The following STK24 variants were observed in gnomAD, a reference collection of about 807,000 sequenced individuals.
STK24 encodes serine/threonine kinase 24.
In STK24, 21 loss-of-function variants were observed where a neutral mutation model predicts 55.6. The observed-to-expected ratio is 0.38, with a 90% CI of 0.27 to 0.54. The LOEUF is 0.54. STK24 is among the 20% of genes least tolerant of loss of function. The probability of loss-of-function intolerance (pLI) is 0.79; values close to 1 mark genes in which losing one functional copy is unlikely to be tolerated. For missense variants in STK24, 383 were observed against 538.4 expected (o/e 0.71, Z 2.86); for synonymous variants, 200 against 215.2 (o/e 0.93, Z 0.62).
At chr13:98,544,323 T>G (rs765143107) in intron 1 of STK24, among the ~76,000 whole-genome samples, 5 of 152,014 alleles carry the variant, frequency 3.3e-5, no homozygotes, top group Non-Finnish European at 4.4e-5. Flanking sequence ...GACACAGAAG[T>G]CCCCAGCAGG....
chr13:98,482,392 G>A (rs1483240800), intron 2 of STK24, 71 bp from the exon 3 acceptor site: 4 of 864,512 alleles, frequency 4.6e-6, no homozygotes, highest in African/African-American at 3.5e-5. Flanking sequence ...ATAATCAAAG[G>A]GTATTTTTCA....
intron 3 of STK24, among the ~76,000 whole-genome samples, chr13:98,480,615 T>G (rs1249775792): frequency 1.3e-5 from 2 of 152,252 alleles, no homozygotes; most frequent in Non-Finnish European, 2.9e-5. Flanking sequence ...TCAATTATTT[T>G]TATGGTTTAT....
rs1893156237 is a variant in STK24, at chr13:98,450,866, T to C, written c.*2307A>G. 1 of 152,250 alleles carries C rather than the reference T, an allele frequency of 6.6e-6. No individual in the cohort carries two copies. Among genetic ancestry groups the C allele is most frequent in the African/African-American group, 2.4e-5 (1 of 41,462 alleles). 9.4% of individuals were successfully genotyped at this position (152,250 alleles called of 1,614,324 possible). On this transcript the variant is annotated 3_prime_UTR_variant, in exon 11 of 11. Transcript: ENST00000539966. The stretch of plus-strand genomic sequence containing the variant: ...CCCTTAAAAACATTGGGGCTGATTT[T>C]GTGCGTCTACAGAAAGTAACAGCCC...
intron 1 of STK24, among the ~76,000 whole-genome samples, chr13:98,554,506 C>T (rs1251378580): frequency 6.6e-6 from 1 of 152,172 alleles, no homozygotes; most frequent in African/African-American, 2.4e-5. Flanking sequence ...CTAGATAAAA[C>T]TCCAAAATCC....
chr13:98,538,651 G>A (rs17471107), intron 1 of STK24, among the ~76,000 whole-genome samples: 26,561 of 152,002 alleles, frequency 0.17, 2,695 homozygotes, highest in Non-Finnish European at 0.23. Flanking sequence ...CTTTCTCCTA[G>A]TCCTCTATTC....
chr13:98,507,502 GA>G (rs1377940540), intron 2 of STK24, among the ~76,000 whole-genome samples: 2 of 152,326 alleles, frequency 1.3e-5, no homozygotes, highest in South Asian at 4.1e-4. Flanking sequence ...CTAGCCTAGA[GA>G]AAGAAAGATA....
At chr13:98,541,431 C>T (rs1594654754) in intron 1 of STK24, among the ~76,000 whole-genome samples, 2 of 152,102 alleles carry the variant, frequency 1.3e-5, no homozygotes, top group African/African-American at 2.4e-5. Context: ...TTCAGATGTT[C>T]AAAGGAAACA....
intron 1 of STK24, among the ~76,000 whole-genome samples, chr13:98,572,562 G>A (rs1226782910): frequency 2.6e-5 from 4 of 152,294 alleles, no homozygotes; most frequent in East Asian, 1.9e-4. Flanking sequence ...TCCCTAGGGT[G>A]GAGCAGAGCA....
rs190856000 is a variant in STK24 at position 98,562,789 on chromosome 13, G to A, written c.42+13956C>T. Among the ~76,000 whole-genome samples the A allele has an allele frequency of 1.7e-3, 262 of 151,712 alleles. 2 individuals carry two copies. The highest frequency in any genetic ancestry group is 0.015 in the East Asian group (76 of 5,160). ...AAATTAGCCGGACGTGGTGGCGGGC[G>A]CCTGCAGTCCCAGCTACTCGGGAGG... On this transcript the variant is annotated intron_variant, in intron 1 of 10. Transcript: ENST00000539966.
At chr13:98,491,799 T>C (rs2139324298) in intron 2 of STK24, among the ~76,000 whole-genome samples, 1 of 151,584 alleles carries the variant, frequency 6.6e-6, no homozygotes, top group East Asian at 1.9e-4. Flanking sequence ...GGATGAGAAA[T>C]GAATCCAATC....
At position 98,453,343 on chromosome 13, in the gene STK24, T is replaced by C. The variant is rs1893290693; in HGVS notation, c.1260-134A>G. The C allele has an allele frequency of 4.7e-6, 4 of 845,276 alleles. No homozygotes were observed. The South Asian group carries it at 4.9e-5, about 10-fold the overall frequency. The allele number at this position is 845,276 out of a possible 1,614,324, so 52.4% of individuals were successfully genotyped here. ...CAAAAATAAGTGGAGCAAATATCAA[T>C]GTGTAAGTCTAATTTTAAAAGAATG... On this transcript the variant is annotated intron_variant, in intron 10 of 10. Coordinates refer to ENST00000539966, the MANE Select transcript of STK24 (RefSeq NM_001032296.4).
chr13:98,479,296 T>A (rs772312121), intron 3 of STK24, among the ~76,000 whole-genome samples: 1 of 152,226 alleles, frequency 6.6e-6, no homozygotes, highest in Non-Finnish European at 1.5e-5. Flanking sequence ...TATTTTAAAT[T>A]TTTTTAAATC....
Position 98,446,083 on chromosome 13 carries a change from C to G in STK24, c.*7090G>C, listed in dbSNP as rs750761997. ...GGTGCCCGCTGTGCTTCTCACAGGC[C>G]TCCTTGCCTTTCAGAATCAGTTGTC... On this transcript the variant is annotated 3_prime_UTR_variant, in exon 11 of 11. Coordinates refer to ENST00000539966, the MANE Select transcript of STK24 (RefSeq NM_001032296.4). 6.3e-7 allele frequency: 1 copy of G among 1,588,978 alleles called. No homozygotes were observed. Among genetic ancestry groups the G allele is most frequent in the South Asian group, 1.1e-5 (1 of 90,498 alleles).
At chr13:98,488,794 C>A (rs1045594997) in intron 2 of STK24, among the ~76,000 whole-genome samples, 3 of 152,118 alleles carry the variant, frequency 2.0e-5, no homozygotes, top group African/African-American at 7.2e-5. Context: ...GTCACACGAA[C>A]CCACCAAGGT....
intron 1 of STK24, among the ~76,000 whole-genome samples, chr13:98,551,044 T>C (rs1435055112): frequency 1.3e-5 from 2 of 151,890 alleles, no homozygotes; most frequent in South Asian, 2.1e-4. Flanking sequence ...CCCAGCACTT[T>C]GGGAGGCCGA....
At chr13:98,529,162 G>A (rs769594141) in intron 1 of STK24, among the ~76,000 whole-genome samples, 18 of 151,982 alleles carry the variant, frequency 1.2e-4, no homozygotes, top group Non-Finnish European at 2.4e-4. Flanking sequence ...CATACCCGCC[G>A]TCTCCCTCTC....
chr13:98,482,213 G>T, intron 3 of STK24, 52 bp downstream of exon 3: 1 of 1,077,106 alleles, frequency 9.3e-7, no homozygotes, highest in Non-Finnish European at 1.3e-6. Context: ...TAAAACCCAG[G>T]TTTCCTGAGA....
intron 2 of STK24, among the ~76,000 whole-genome samples, chr13:98,483,234 G>A (rs1027771460): frequency 1.3e-5 from 2 of 152,306 alleles, no homozygotes; most frequent in South Asian, 2.1e-4. Context: ...GCTTCTGCAC[G>A]AGGCCTTGGC....
chr13:98,460,868 T>C (rs1443877470), intron 8 of STK24, among the ~76,000 whole-genome samples: 2 of 149,948 alleles, frequency 1.3e-5, no homozygotes, highest in Non-Finnish European at 3.0e-5. Flanking sequence ...AGTGAGACCA[T>C]GTTTCTATTA....
Sources: gnomAD v4.1 joint callset for allele counts (sites outside exome capture counted in the v4.1 genomes callset) on GRCh38, gnomAD v4.1.1 for gene constraint, MANE v1.5 for transcripts, NCBI Gene and HGNC (gene_info 2026-07-23, HGNC 2026-07-21) for gene names.